TTC6: variants seen among roughly 807,000 people sequenced by gnomAD.
TTC6 encodes the protein tetratricopeptide repeat domain 6.
A neutral mutation model predicts 210.4 loss-of-function variants in TTC6; 172 were observed. That is an observed-to-expected ratio of 0.82 (90% confidence interval 0.72 to 0.93). TTC6 has a LOEUF of 0.93. Among genes scored for constraint, TTC6 ranks in the 40% least tolerant of loss-of-function variants. TTC6 has a pLI of 0.00. For synonymous variants in TTC6, 804 were observed against 819.6 expected, an observed-to-expected ratio of 0.98 and a Z score of 0.32; for missense variants, 2,414 against 2,318.1, an observed-to-expected ratio of 1.04 and a Z score of -0.85.
intron 6 of TTC6, among the ~76,000 whole-genome samples, chr14:37,724,247 A>G (rs1427906885): frequency 1.3e-5 from 2 of 152,034 alleles, no homozygotes; most frequent in African/African-American, 4.8e-5. Context: ...TGGTACAATT[A>G]TAGTAGTTTT....
intron 26 of TTC6, among the ~76,000 whole-genome samples, chr14:37,820,044 G>C (rs896907154): frequency 2.0e-5 from 3 of 152,174 alleles, no homozygotes; most frequent in African/African-American, 7.2e-5. Flanking sequence ...CGTGTAACCT[G>C]ACAAGAACGT....
rs866511002 is a variant in TTC6, at chr14:37,598,192, C to T, written c.-235+2184C>T. The stretch of plus-strand genomic sequence containing the variant: ...TGTGCTTTGCAAGGATTGTGCTGCT[C>T]GTTGGAGGAAACCAGGCCTGTCTTC... On this transcript the variant is annotated intron_variant, in intron 1 of 2. Coordinates refer to the TTC6 transcript ENST00000556845. The surrounding 1 kb of genome is among the most constrained non-coding windows in gnomAD (Gnocchi z 4.9). Among the ~76,000 whole-genome samples the T allele has an allele frequency of 3.3e-5, 5 of 152,276 alleles. No homozygotes were observed. Among genetic ancestry groups the T allele is most frequent in the Middle Eastern group, 3.4e-3 (1 of 294 alleles).
intron 1 of TTC6, among the ~76,000 whole-genome samples, chr14:37,651,394 T>TAG (rs1214756650): frequency 5.0e-5 from 1 of 20,006 alleles, no homozygotes; most frequent in Non-Finnish European, 8.9e-5. Context: ...ATGTTATATA[T>TAG]ATATATATAT....
At chr14:37,664,422 A>G (rs977904423) in intron 1 of TTC6, among the ~76,000 whole-genome samples, 3 of 150,844 alleles carry the variant, frequency 2.0e-5, no homozygotes, top group Admixed American at 6.6e-5. Context: ...TATTTAATAA[A>G]TGGCACCAGG....
intron 20 of TTC6, among the ~76,000 whole-genome samples, chr14:37,801,796 C>T (rs897963092): frequency 3.3e-5 from 5 of 152,092 alleles, no homozygotes; most frequent in South Asian, 2.1e-4. Context: ...GAAATAGGAA[C>T]GCTTTTATAC....
intron 6 of TTC6, among the ~76,000 whole-genome samples, chr14:37,715,870 G>A (rs1200238974): frequency 6.6e-6 from 1 of 152,060 alleles, no homozygotes; most frequent in Non-Finnish European, 1.5e-5. Context: ...AGAGAGAAAT[G>A]ATAAGAGAAA....
intron 2 of TTC6, among the ~76,000 whole-genome samples, chr14:37,681,146 A>G (rs549296728): frequency 2.6e-5 from 4 of 152,268 alleles, no homozygotes; most frequent in East Asian, 1.9e-4. Context: ...GGATATATCA[A>G]TTAGGAAGGC....
intron 2 of TTC6, among the ~76,000 whole-genome samples, chr14:37,608,746 A>T (rs1435780248): frequency 1.3e-5 from 2 of 152,148 alleles, no homozygotes; most frequent in Non-Finnish European, 2.9e-5. Context: ...GGGAGCCTCA[A>T]ATTCTCTTTG....
chr14:37,681,781 A>G (rs1250566750), intron 2 of TTC6, among the ~76,000 whole-genome samples: 1 of 152,082 alleles, frequency 6.6e-6, no homozygotes, highest in African/African-American at 2.4e-5. Flanking sequence ...TTGGACTTGG[A>G]CCGAGTCACT....
chr14:37,749,752 G>A lies in TTC6; in HGVS notation c.2865G>A (p.Trp955Ter), dbSNP rs2095946332. ...AACCATTGTTTCTCAATGCCTATTGGCATCGACATTTAATTTATCTTTTCC... is the reference window on the plus strand; with the variant it reads ...AACCATTGTTTCTCAATGCCTATTGACATCGACATTTAATTTATCTTTTCC... The change falls in exon 12 of 31, where the codon TGG becomes TGA. Residue 955 changes from tryptophan to a stop codon, truncating the protein, a stop_gained. Transcript: ENST00000553443. LOFTEE classifies it high-confidence loss of function. 2.1e-6 allele frequency: 3 copies of A among 1,458,546 alleles called. No individual in the cohort carries two copies. Among genetic ancestry groups the A allele is most frequent in the East Asian group, 5.3e-5 (2 of 37,922 alleles). 90.4% of individuals were successfully genotyped at this position (1,458,546 alleles called of 1,614,324 possible). A position where few individuals can be genotyped will look rare whatever the true frequency, so the allele number is the denominator to read the frequency against.
intron 2 of TTC6, among the ~76,000 whole-genome samples, chr14:37,614,484 G>GA (rs1435771746): frequency 6.6e-6 from 1 of 151,932 alleles, no homozygotes. Flanking sequence ...AAACTTAAGA[G>GA]AAAAAAATAG....
intron 13 of TTC6, among the ~76,000 whole-genome samples, chr14:37,751,560 C>T (rs1284066134): frequency 6.6e-6 from 1 of 152,060 alleles, no homozygotes; most frequent in Admixed American, 6.6e-5. Context: ...TACCTTTAAA[C>T]ATTAAAGAAA....
intron 21 of TTC6, among the ~76,000 whole-genome samples, chr14:37,805,535 G>A (rs34069628): frequency 0.033 from 5,066 of 151,990 alleles, 135 homozygotes; most frequent in Non-Finnish European, 0.052. Flanking sequence ...GAAAAAAGAG[G>A]TGCACTTGAT....
intron 14 of TTC6, among the ~76,000 whole-genome samples, chr14:37,761,400 G>C (rs551555204): frequency 6.6e-6 from 1 of 151,930 alleles, no homozygotes; most frequent in Non-Finnish European, 1.5e-5. Flanking sequence ...CACCTTTTGC[G>C]TGGGTCTTGC....
At position 37,732,402 on chromosome 14, in the gene TTC6, G is replaced by C. The variant is rs373096523; in HGVS notation, c.1819-3519G>C. On this transcript the variant is annotated intron_variant, in intron 7 of 30. Coordinates refer to ENST00000553443, the Ensembl canonical transcript of TTC6. The stretch of plus-strand genomic sequence containing the variant: ...GTTTCACCGTGTTAGCCAGGATGGT[G>C]TCGATCTCCTGACCTCGTGATCTGC... Among the ~76,000 whole-genome samples the C allele has an allele frequency of 1.3e-3, 203 of 151,404 alleles. 2 individuals are homozygous for C. The South Asian group carries it at 0.021, about 16-fold the overall frequency.
At chr14:37,796,318 ATAT>A (rs2096092642) in exon 19 of TTC6, 1 of 1,293,394 alleles carries the variant, frequency 7.7e-7, no homozygotes, top group South Asian at 1.3e-5. Flanking sequence ...TTATGATGAA[ATAT>A]TATGATCTTG....
chr14:37,841,455 A>G (rs1389936429), exon 30 of TTC6: 7 of 1,587,834 alleles, frequency 4.4e-6, no homozygotes, highest in South Asian at 1.2e-5. Context: ...GCCAGTGACT[A>G]CTTCTCAAAA....
chr14:37,805,338 G>A (rs1234304880), intron 21 of TTC6, among the ~76,000 whole-genome samples: 1 of 151,674 alleles, frequency 6.6e-6, no homozygotes, highest in Non-Finnish European at 1.5e-5. Context: ...CTTCAGACTT[G>A]TCACTGATAT....
intron 29 of TTC6, among the ~76,000 whole-genome samples, chr14:37,828,305 T>C (rs2183529): frequency 0.88 from 133,102 of 152,042 alleles, 59,029 homozygotes; most frequent in Non-Finnish European, 0.95. Context: ...CACTCTTTTT[T>C]CTGCTTCCCT....
Sources: gnomAD v4.1 joint callset for allele counts (sites outside exome capture counted in the v4.1 genomes callset) on GRCh38, gnomAD v4.1.1 for gene constraint, Gnocchi (gnomAD v3.1) non-coding constraint, MANE v1.5 for transcripts, NCBI Gene and HGNC (gene_info 2026-07-23, HGNC 2026-07-21) for gene names.